IGHMBP2: variants seen among roughly 807,000 people sequenced by gnomAD.
IGHMBP2 encodes the protein DNA-binding protein SMUBP-2.
In IGHMBP2, 81 loss-of-function variants were observed where a neutral mutation model predicts 96.0. The observed-to-expected ratio is 0.84, with a 90% CI of 0.71 to 1.01. The LOEUF (loss-of-function observed/expected upper bound fraction) is 1.01, where lower values mean the gene tolerates loss of function less well. Among genes scored for constraint, IGHMBP2 ranks in the 50% least tolerant of loss-of-function variants. The pLI is 0.00. For synonymous variants in IGHMBP2, 557 were observed against 548.9 expected (o/e 1.01, Z -0.21); for missense variants, 1,227 against 1,306.3 (o/e 0.94, Z 0.94).
At chr11:68,925,606 C>G (rs1859036866) in intron 7 of IGHMBP2, among the ~76,000 whole-genome samples, 1 of 152,182 alleles carries the variant, frequency 6.6e-6, no homozygotes, top group Admixed American at 6.5e-5. Context: ...GTTACTCTCT[C>G]CAAAGGACTC....
chr11:68,933,405 A>G lies in IGHMBP2; in HGVS notation c.1342A>G (p.Ile448Val), dbSNP rs139000973. The G allele has an allele frequency of 5.5e-5, 88 of 1,613,068 alleles. No homozygotes were observed. The highest frequency in any genetic ancestry group is 7.2e-5 in the Non-Finnish European group (85 of 1,179,856). ...LTVQYRMHQA[I>V]MRWASDTMYL... ...GGTGCAGTACCGCATGCACCAGGCTATCATGCGCTGGGCCTCAGACACCAT... is the reference window on the plus strand; with the variant it reads ...GGTGCAGTACCGCATGCACCAGGCTGTCATGCGCTGGGCCTCAGACACCAT... Residue 448 changes from isoleucine to valine, a missense_variant, in exon 9 of 15, where the codon ATC (isoleucine) becomes GTC (valine). Ile to Val is a conservative substitution (Grantham distance 29). Around this residue, in one of 3 missense-constraint regions of IGHMBP2, gnomAD observed 703 missense variants for 770.3 expected, o/e 0.91. Transcript: ENST00000255078.
intron 5 of IGHMBP2, among the ~76,000 whole-genome samples, chr11:68,913,249 T>C (rs1858516101): frequency 6.6e-6 from 1 of 152,042 alleles, no homozygotes; most frequent in Admixed American, 6.6e-5. Flanking sequence ...TAAGAAAAGA[T>C]GACTTATTGG....
chr11:68,915,048 G>T, intron 6 of IGHMBP2, 25 bp downstream of exon 6: 1 of 1,594,510 alleles, frequency 6.3e-7, no homozygotes, highest in Non-Finnish European at 8.6e-7. Flanking sequence ...CAGTGTCCAT[G>T]TGGGGCGTGG....
intron 5 of IGHMBP2, 25 bp from the exon 6 acceptor site, chr11:68,914,798 C>A: frequency 6.2e-7 from 1 of 1,612,494 alleles, no homozygotes; most frequent in South Asian, 1.1e-5. Context: ...AAGTAAATGA[C>A]CAGATCCTAA....
intron 8 of IGHMBP2, chr11:68,930,256 G>A (rs1382688196): frequency 1.3e-5 from 17 of 1,279,796 alleles, no homozygotes; most frequent in African/African-American, 4.6e-5. Context: ...TCCACCGGGG[G>A]AAGATTGATT....
intron 5 of IGHMBP2, among the ~76,000 whole-genome samples, chr11:68,912,841 A>T (rs913534095): frequency 1.3e-5 from 2 of 151,536 alleles, no homozygotes; most frequent in African/African-American, 4.9e-5. Flanking sequence ...GGAGTTCGAG[A>T]CCAGCCTGGC....
rs746624957 is a variant in IGHMBP2, at chr11:68,934,465, C to A, written c.1539C>A (p.Gly513=). 2 of 1,605,598 alleles carry A rather than the reference C, an allele frequency of 1.2e-6. No homozygotes were observed. The highest frequency in any genetic ancestry group is 1.7e-6 in the Non-Finnish European group (2 of 1,175,618). Residue 513 remains glycine, a splice_region_variant and synonymous_variant, in exon 11 of 15, where the codon GGC becomes GGA. Transcript: ENST00000255078. ...EEDEQSKGNP[G]EVRLVSLHIQ... ...CACCCGTTCTTTCTTTCCCTCCAGG[C>A]GAAGTCCGCCTCGTCAGTTTGCACA...
chr11:68,917,144 A>AT (rs1858705341), intron 6 of IGHMBP2, among the ~76,000 whole-genome samples: 1 of 151,514 alleles, frequency 6.6e-6, no homozygotes, highest in South Asian at 2.1e-4. Flanking sequence ...TGCCCAGCTA[A>AT]TTTTTTGTAT....
At chr11:68,914,694 A>T (rs1858577995) in intron 5 of IGHMBP2, 129 bp from the exon 6 acceptor site, 1 of 978,384 alleles carries the variant, frequency 1.0e-6, no homozygotes, top group African/African-American at 1.6e-5. Context: ...TGAATGCAAG[A>T]TTTGATTGAG....
intron 7 of IGHMBP2, among the ~76,000 whole-genome samples, chr11:68,919,278 G>GTCCCCA (rs1171372665): frequency 1.5e-5 from 2 of 136,648 alleles, no homozygotes; most frequent in Non-Finnish European, 3.1e-5. Context: ...CCTCATCCCT[G>GTCCCCA]TCCCCATCCC....
rs1163090506 is a variant in IGHMBP2, at chr11:68,914,213, A to G, written c.712-610A>G. 6.6e-6 allele frequency among the ~76,000 whole-genome samples: 1 copy of G among 152,052 alleles called. No individual in the cohort carries two copies. Among genetic ancestry groups the G allele is most frequent in the African/African-American group, 2.4e-5 (1 of 41,394 alleles). ...GTCAATTTCTCTTTATCCAAAAACA[A>G]CTGTCCATGGGACTATTGAGCCGGT... On this transcript the variant is annotated intron_variant, in intron 5 of 14. Transcript: ENST00000255078.
intron 7 of IGHMBP2, among the ~76,000 whole-genome samples, chr11:68,925,928 T>C (rs1344050685): frequency 6.7e-6 from 1 of 150,034 alleles, no homozygotes; most frequent in East Asian, 2.0e-4. Context: ...TCTCTGTGAG[T>C]AAATTACATG....
In IGHMBP2 at chr11:68,929,217, C is replaced by G; in HGVS notation, c.1095C>G (p.Pro365=). 6.2e-7 allele frequency: 1 copy of G among 1,613,624 alleles called. No homozygotes were observed. The highest frequency in any genetic ancestry group is 1.1e-5 in the South Asian group (1 of 91,082). ...CCGATGGCCCCCTGAAGTTGCTGCC[C>G]GAGAGCTACTTCGACGTGGTGGTCA... ...ASADGPLKLL[P]ESYFDVVVID... The change falls in exon 8 of 15, where the codon CCC becomes CCG. Residue 365 remains proline (P), a synonymous_variant. Transcript: ENST00000255078.
chr11:68,931,258 G>C (rs745801999), intron 8 of IGHMBP2, among the ~76,000 whole-genome samples: 5 of 152,166 alleles, frequency 3.3e-5, no homozygotes, highest in Non-Finnish European at 5.9e-5. Flanking sequence ...TGTGGGGGTT[G>C]TCCTTCCTGG....
intron 9 of IGHMBP2, 66 bp from the exon 10 acceptor site, chr11:68,933,729 T>C (rs1859408794): frequency 7.6e-7 from 1 of 1,311,452 alleles, no homozygotes; most frequent in Non-Finnish European, 1.1e-6. Context: ...GGGTCGGTTC[T>C]GTTGGGTGGG....
At chr11:68,939,193 C>T (rs2154009219) in intron 14 of IGHMBP2, among the ~76,000 whole-genome samples, 1 of 152,228 alleles carries the variant, frequency 6.6e-6, no homozygotes, top group Non-Finnish European at 1.5e-5. Context: ...GTGGGGTACC[C>T]TCTAGGGTGT....
rs749364778 is a variant in IGHMBP2, at chr11:68,939,677, G to A, written c.2928G>A (p.Lys976=). The part of the protein sequence containing the change: ...RAQLQRRLDK[K]LSELSNQRTS... ...AGCTGCAGAGGAGGCTGGATAAGAAGCTGAGTGAGCTCAGCAACCAGAGGA... is the reference window on the plus strand; with the variant it reads ...AGCTGCAGAGGAGGCTGGATAAGAAACTGAGTGAGCTCAGCAACCAGAGGA... Residue 976 remains lysine (K), a synonymous_variant, in exon 15 of 15, where the codon AAG becomes AAA. Transcript: ENST00000255078. The A allele has an allele frequency of 3.1e-6, 5 of 1,612,716 alleles. No individual in the cohort carries two copies. Among genetic ancestry groups the A allele is most frequent in the Non-Finnish European group, 4.2e-6 (5 of 1,179,754 alleles).
intron 5 of IGHMBP2, among the ~76,000 whole-genome samples, chr11:68,913,061 A>C (rs866581111): frequency 0.019 from 2,784 of 149,338 alleles, 59 homozygotes; most frequent in South Asian, 0.06. Context: ...AAAAAAAAAA[A>C]AAAAAAACCA....
At chr11:68,912,406 A>G (rs1042469375) in intron 5 of IGHMBP2, among the ~76,000 whole-genome samples, 1 of 152,152 alleles carries the variant, frequency 6.6e-6, no homozygotes. Context: ...CTACGATTAC[A>G]GGCATGAGCC....
Sources: allele counts gnomAD v4.1 joint callset (sites outside exome capture counted in the v4.1 genomes callset), GRCh38; gene constraint gnomAD v4.1.1; regional missense constraint gnomAD v4.1.1; transcripts MANE v1.5; gene names NCBI Gene and HGNC (gene_info 2026-07-23, HGNC 2026-07-21).